Variants in LIF observed in about 807,000 individuals in gnomAD.
The protein encoded by LIF is leukemia inhibitory factor.
LIF carries 9 observed loss-of-function variants against 15.0 expected under a neutral mutation model. The ratio of observed to expected loss-of-function variants is 0.60; its 90% CI spans 0.36 to 1.04. The LOEUF (loss-of-function observed/expected upper bound fraction) is 1.04, where lower values mean the gene tolerates loss of function less well. Among genes scored for constraint, LIF ranks in the 50% least tolerant of loss-of-function variants. The pLI is 0.01. For missense variants in LIF, 240 were observed against 266.7 expected (o/e 0.90, Z 0.70); for synonymous variants, 122 against 119.7 (o/e 1.02, Z -0.13).
chr22:30,244,326 A>G (rs1928791435), intron 2 of LIF, among the ~76,000 whole-genome samples: 1 of 151,882 alleles, frequency 6.6e-6, no homozygotes, highest in Non-Finnish European at 1.5e-5. Context: ...AGAAGGGAAA[A>G]CTCGGTGTCT....
chr22:30,244,390 T>C (rs1169950704), intron 2 of LIF, among the ~76,000 whole-genome samples: 1 of 152,112 alleles, frequency 6.6e-6, no homozygotes, highest in Non-Finnish European at 1.5e-5. Context: ...CTCACAATGT[T>C]CCGGGACGCC....
intron 2 of LIF, among the ~76,000 whole-genome samples, chr22:30,244,521 G>A (rs1928799385): frequency 6.6e-6 from 1 of 152,084 alleles, no homozygotes; most frequent in African/African-American, 2.4e-5. Flanking sequence ...AGAAGTGCCA[G>A]GTCCCCACCT....
intron 1 of LIF, among the ~76,000 whole-genome samples, chr22:30,245,713 T>TGTCC (rs1244055970): frequency 6.6e-6 from 1 of 152,160 alleles, no homozygotes; most frequent in African/African-American, 2.4e-5. Context: ...ACTCATCCGC[T>TGTCC]GTCCCTTGTC....
rs1019320917 is a variant in LIF at position 30,240,603 on chromosome 22, G to A, written c.*3048C>T. 2 of 152,566 alleles carry A rather than the reference G, an allele frequency of 1.3e-5. No homozygotes were observed. The highest frequency in any genetic ancestry group is 4.8e-5 in the African/African-American group (2 of 41,404). 9.5% of individuals were successfully genotyped at this position (152,566 alleles called of 1,614,324 possible). ...CCCCACAGGGTACATTCATCAAAGA[G>A]GAATTTGTCACCCAAGGCCATGTGC... is the stretch of plus-strand genomic sequence containing the variant. On this transcript the variant is annotated 3_prime_UTR_variant, in exon 3 of 3. Coordinates refer to ENST00000249075, the MANE Select transcript of LIF (RefSeq NM_002309.5).
intron 2 of LIF, among the ~76,000 whole-genome samples, chr22:30,244,527 C>T (rs1928799805): frequency 6.6e-6 from 1 of 152,108 alleles, no homozygotes; most frequent in Non-Finnish European, 1.5e-5. Flanking sequence ...GCCAGGTCCC[C>T]ACCTTTGCAC....
At chr22:30,244,649 C>G in intron 2 of LIF, 106 bp downstream of exon 2, 3 of 1,083,560 alleles carry the variant, frequency 2.8e-6, no homozygotes, top group Non-Finnish European at 4.2e-6. Flanking sequence ...CCCATTCTCT[C>G]CTTCCAGCCC....
intron 1 of LIF, among the ~76,000 whole-genome samples, chr22:30,245,795 G>A (rs1314834265): frequency 6.6e-6 from 1 of 152,218 alleles, no homozygotes. Flanking sequence ...CACCAGGAGA[G>A]AGAAAAGGCA....
Position 30,243,523 on chromosome 22 carries a change from C to G in LIF, c.*128G>C. The G allele has an allele frequency of 8.6e-7, 1 of 1,167,270 alleles. No individual in the cohort carries two copies. Among genetic ancestry groups the G allele is most frequent in the Non-Finnish European group, 1.3e-6 (1 of 795,418 alleles). The allele number at this position is 1,167,270 out of a possible 1,614,324, so 72.3% of individuals were successfully genotyped here. ...GTGGAGTGGACTGGCCAGGCACCCTCGGGGTCTGCCAGCAGCCCCCATTTG... is the reference window on the plus strand; with the variant it reads ...GTGGAGTGGACTGGCCAGGCACCCTGGGGGTCTGCCAGCAGCCCCCATTTG... On this transcript the variant is annotated 3_prime_UTR_variant, in exon 3 of 3. Transcript: ENST00000249075. This position sits in a 1 kb window ranked among gnomAD's most constrained non-coding sequence, Gnocchi z 6.0.
chr22:30,243,311 C>G lies in LIF; in HGVS notation c.*340G>C, dbSNP rs896233127. On this transcript the variant is annotated 3_prime_UTR_variant, in exon 3 of 3. Transcript: ENST00000249075. This position sits in a 1 kb window ranked among gnomAD's most constrained non-coding sequence, Gnocchi z 6.0. ...CTGCTGTCTCACCCTGTGGTCAGGG[C>G]TCTTGTAGATGACTTGTGTAGTTTG... 4.9e-6 allele frequency: 2 copies of G among 410,096 alleles called. No homozygotes were observed. The highest frequency in any genetic ancestry group is 9.2e-6 in the Non-Finnish European group (2 of 217,438). 25.4% of individuals were successfully genotyped at this position (410,096 alleles called of 1,614,324 possible). A position where few individuals can be genotyped will look rare whatever the true frequency, so the allele number is the denominator to read the frequency against.
chr22:30,245,418 C>A (rs900130212), intron 1 of LIF, among the ~76,000 whole-genome samples: 2 of 152,218 alleles, frequency 1.3e-5, no homozygotes, highest in Non-Finnish European at 2.9e-5. Flanking sequence ...TCTCCGAAGC[C>A]AGGCACCCAT....
At chr22:30,246,275 C>T (rs745878986) in intron 1 of LIF, 4 of 238,752 alleles carry the variant, frequency 1.7e-5, no homozygotes, top group Non-Finnish European at 2.8e-5. Context: ...TCCCTGGGAG[C>T]AGCCCGGGAC....
chr22:30,245,941 T>TA (rs1187479422), intron 1 of LIF, among the ~76,000 whole-genome samples: 2 of 152,154 alleles, frequency 1.3e-5, no homozygotes, highest in Admixed American at 6.5e-5. Flanking sequence ...CAGGCCCCCT[T>TA]AGACGCTTTT....
intron 1 of LIF, among the ~76,000 whole-genome samples, chr22:30,245,954 A>G (rs1490358218): frequency 1.3e-5 from 2 of 152,144 alleles, no homozygotes; most frequent in Non-Finnish European, 2.9e-5. Flanking sequence ...ACGCTTTTCC[A>G]GGGCTCTGCA....
rs1440390953 is a variant in LIF, at chr22:30,242,334, G to GC, written c.*1316_*1317insG. On this transcript the variant is annotated 3_prime_UTR_variant, in exon 3 of 3. Transcript: ENST00000249075. ...GCAAGTCACAGTAGGGGATGGGGGG[G>GC]GGTGGAGCAAGGCCCCCCACTCCCA... 6.6e-6 allele frequency: 1 copy of GC among 151,726 alleles called. No individual in the cohort carries two copies. Among genetic ancestry groups the GC allele is most frequent in the African/African-American group, 2.4e-5 (1 of 40,994 alleles). The allele number at this position is 151,726 out of a possible 1,614,324, so 9.4% of individuals were successfully genotyped here. A position where few individuals can be genotyped will look rare whatever the true frequency, so the allele number is the denominator to read the frequency against.
Position 30,246,742 on chromosome 22 carries a change from C to T in LIF, c.-47G>A. ...CCTTGGAGGAAACCTCAGATGCCGG[C>T]AGTTTTCAGAGGTTCATGCTCAAAT... is the stretch of plus-strand genomic sequence containing the variant. On this transcript the variant is annotated 5_prime_UTR_variant, in exon 1 of 3. Transcript: ENST00000249075. The T allele has an allele frequency of 6.5e-7, 1 of 1,549,068 alleles. No homozygotes were observed. Among genetic ancestry groups the T allele is most frequent in the Non-Finnish European group, 8.7e-7 (1 of 1,144,644 alleles).
At chr22:30,244,692 C>A in intron 2 of LIF, 63 bp downstream of exon 2, 1 of 1,487,334 alleles carries the variant, frequency 6.7e-7, no homozygotes, top group Non-Finnish European at 9.4e-7. Flanking sequence ...TCAGGACAGC[C>A]CCTAATGATA....
chr22:30,244,742 A>C lies in LIF; in HGVS notation c.198+13T>G, dbSNP rs369189678. 3.8e-5 allele frequency: 62 copies of C among 1,611,504 alleles called. No individual in the cohort carries two copies. In the African/African-American group the frequency reaches 7.7e-4, roughly 20 times the overall value. ...CCCTGCCATCTCCTGTCAGTATCCC[A>C]GGGGTAACTTACATAGAGAATAAAG... On this transcript the variant is annotated intron_variant, in intron 2 of 2. Coordinates refer to ENST00000249075, the MANE Select transcript of LIF (RefSeq NM_002309.5).
chr22:30,242,034 G>C lies in LIF; in HGVS notation c.*1617C>G, dbSNP rs902649882. The C allele has an allele frequency of 6.5e-6, 1 of 153,138 alleles. No individual in the cohort carries two copies. Among genetic ancestry groups the C allele is most frequent in the Non-Finnish European group, 1.5e-5 (1 of 68,396 alleles). The allele number at this position is 153,138 out of a possible 1,614,324, so 9.5% of individuals were successfully genotyped here. Reference sequence around the variant, plus strand: ...GGGCCACAGGAGGAGCTTCCCTGCTGTGTCGGAGCATGCTGGGTGCAGGGG... The same window carrying C: ...GGGCCACAGGAGGAGCTTCCCTGCTCTGTCGGAGCATGCTGGGTGCAGGGG... On this transcript the variant is annotated 3_prime_UTR_variant, in exon 3 of 3. Transcript: ENST00000249075.
rs150880013 is a variant in LIF at position 30,244,000 on chromosome 22, G to T, written c.260C>A (p.Thr87Lys). The change falls in exon 3 of 3, where the codon ACG (threonine) becomes AAG (lysine). Residue 87 changes from threonine (T) to lysine (K), a missense_variant. Thr to Lys is a moderately conservative substitution (Grantham distance 78, BLOSUM62 -1). Transcript: ENST00000249075. The surrounding 1 kb of genome is among the most constrained non-coding windows in gnomAD (Gnocchi z 6.0). ...GTTGGCGTGGAAGGGCGGGAAGTCC[G>T]TCACGTTGGGGCCACATAGCTTGTC... Reference protein sequence around the residue: ...NLDKLCGPNVTDFPPFHANGT... With the variant: ...NLDKLCGPNVKDFPPFHANGT... 6.2e-7 allele frequency: 1 copy of T among 1,613,682 alleles called. No individual in the cohort carries two copies. Among genetic ancestry groups the T allele is most frequent in the Admixed American group, 1.7e-5 (1 of 60,020 alleles).
Sources: gnomAD v4.1 joint callset for allele counts (sites outside exome capture counted in the v4.1 genomes callset) on GRCh38, gnomAD v4.1.1 for gene constraint, Gnocchi (gnomAD v3.1) non-coding constraint, MANE v1.5 for transcripts, NCBI Gene and HGNC (gene_info 2026-07-23, HGNC 2026-07-21) for gene names.